Variants in METTL6 observed in about 807,000 individuals in gnomAD.
METTL6 encodes methyltransferase 6, tRNA N3-cytidine.
In METTL6, 22 loss-of-function variants were observed where a neutral mutation model predicts 26.4. The ratio of observed to expected loss-of-function variants is 0.83; its 90% CI spans 0.59 to 1.19. METTL6 has a LOEUF of 1.19. Among genes scored for constraint, METTL6 ranks in the 50% most tolerant of loss-of-function variants. The probability of loss-of-function intolerance (pLI) is 0.00; values close to 1 mark genes in which losing one functional copy is unlikely to be tolerated. For synonymous variants in METTL6, 109 were observed against 116.2 expected (o/e 0.94, Z 0.40); for missense variants, 304 against 324.8 (o/e 0.94, Z 0.49).
chr3:15,388,541 G>A (rs1256480642), intron 6 of METTL6, among the ~76,000 whole-genome samples: 3 of 152,128 alleles, frequency 2.0e-5, no homozygotes, highest in Non-Finnish European at 4.4e-5. Context: ...TCAGTTCCTG[G>A]GTGGGAGCCA....
intron 3 of METTL6, among the ~76,000 whole-genome samples, chr3:15,421,515 T>A (rs2061610761): frequency 6.6e-6 from 1 of 152,060 alleles, no homozygotes; most frequent in African/African-American, 2.4e-5. Context: ...CAGGCTGGAG[T>A]ACAATGGCAT....
chr3:15,401,874 A>G (rs978605378), intron 6 of METTL6, among the ~76,000 whole-genome samples: 1 of 152,184 alleles, frequency 6.6e-6, no homozygotes, highest in Non-Finnish European at 1.5e-5. Context: ...TGATCAAGAA[A>G]TAACTATAAG....
At chr3:15,397,093 A>G (rs1699508883) in intron 6 of METTL6, among the ~76,000 whole-genome samples, 1 of 152,216 alleles carries the variant, frequency 6.6e-6, no homozygotes, top group South Asian at 2.1e-4. Flanking sequence ...TGGAGTCTAC[A>G]GAGGCAGGCA....
chr3:15,415,350 T>G, intron 4 of METTL6: 1 of 698,672 alleles, frequency 1.4e-6, no homozygotes, highest in Non-Finnish European at 2.4e-6. Context: ...TTAGACAAGG[T>G]CTTGCTATGT....
At chr3:15,396,852 G>A (rs1699502857) in intron 6 of METTL6, among the ~76,000 whole-genome samples, 1 of 152,152 alleles carries the variant, frequency 6.6e-6, no homozygotes, top group Admixed American at 6.5e-5. Context: ...TGGGAGTTTT[G>A]TCTCAGAGAA....
chr3:15,391,523 CTTTAAG>C (rs1699345692), intron 6 of METTL6, among the ~76,000 whole-genome samples: 1 of 151,942 alleles, frequency 6.6e-6, no homozygotes, highest in Admixed American at 6.6e-5. Flanking sequence ...TTTTATTATA[CTTTAAG>C]TTTTAGGGAA....
chr3:15,426,192 G>T (rs2061717936), intron 2 of METTL6, 95 bp downstream of exon 2: 2 of 1,211,886 alleles, frequency 1.7e-6, no homozygotes, highest in Non-Finnish European at 2.4e-6. Context: ...GCCTGCCTTG[G>T]CCTCCCCAAG....
In METTL6 at chr3:15,410,512, T is replaced by C. The variant is rs1699924722; in HGVS notation, c.*744A>G. Among the ~76,000 whole-genome samples the C allele has an allele frequency of 6.6e-6, 1 of 152,150 alleles. No individual in the cohort carries two copies. Among genetic ancestry groups the C allele is most frequent in the South Asian group, 2.1e-4 (1 of 4,828 alleles). The stretch of plus-strand genomic sequence containing the variant: ...TTTCTGTAGAGACAGAGTTTCACCA[T>C]GTTGCCCACACTGGTCTTGAACTCC... On this transcript the variant is annotated 3_prime_UTR_variant, in exon 6 of 6. Coordinates refer to ENST00000383790, the MANE Select transcript of METTL6 (RefSeq NM_152396.4).
At chr3:15,398,446 A>G (rs1251789836) in intron 6 of METTL6, among the ~76,000 whole-genome samples, 2 of 152,192 alleles carry the variant, frequency 1.3e-5, no homozygotes, top group East Asian at 3.9e-4. Flanking sequence ...TGCCTGTCTC[A>G]GCCTCCCAAA....
chr3:15,414,852 G>T, intron 4 of METTL6: 1 of 584,694 alleles, frequency 1.7e-6, no homozygotes, highest in Non-Finnish European at 2.9e-6. Flanking sequence ...AGCCCAGGAA[G>T]TTGAGGCTGC....
At chr3:15,426,945 C>T (rs1355528615) in intron 1 of METTL6, among the ~76,000 whole-genome samples, 1 of 152,236 alleles carries the variant, frequency 6.6e-6, no homozygotes, top group Non-Finnish European at 1.5e-5. Flanking sequence ...AAATATTCCT[C>T]AATTTTCGGT....
At chr3:15,393,054 A>G (rs895650457) in intron 6 of METTL6, among the ~76,000 whole-genome samples, 4 of 152,138 alleles carry the variant, frequency 2.6e-5, no homozygotes, top group Non-Finnish European at 5.9e-5. Flanking sequence ...GTAGCTTGAG[A>G]GGGATGGCAT....
chr3:15,416,758 T>C (rs535089945), intron 3 of METTL6, among the ~76,000 whole-genome samples: 11 of 152,326 alleles, frequency 7.2e-5, no homozygotes, highest in African/African-American at 2.4e-4. Context: ...CTTCAACACA[T>C]GTATAGGAGT....
At chr3:15,397,732 A>G (rs1038544175) in intron 6 of METTL6, among the ~76,000 whole-genome samples, 2 of 152,052 alleles carry the variant, frequency 1.3e-5, no homozygotes, top group African/African-American at 4.8e-5. Flanking sequence ...CTAATTAGAG[A>G]CCACTGGGCT....
chr3:15,403,186 T>C (rs916558144), intron 6 of METTL6, among the ~76,000 whole-genome samples: 1 of 152,158 alleles, frequency 6.6e-6, no homozygotes, highest in Non-Finnish European at 1.5e-5. Flanking sequence ...GTATCCCAGA[T>C]TGGTCTCCCA....
chr3:15,392,050 T>C (rs1168840317), intron 6 of METTL6, among the ~76,000 whole-genome samples: 4 of 152,174 alleles, frequency 2.6e-5, no homozygotes, highest in African/African-American at 9.7e-5. Context: ...TATTTCTAGT[T>C]CTAGATCTCT....
In METTL6 at chr3:15,411,292, T is replaced by C; in HGVS notation, c.819A>G (p.Pro273=). The C allele has an allele frequency of 6.2e-7, 1 of 1,614,190 alleles. No homozygotes were observed. The change falls in exon 6 of 6, where the codon CCA becomes CCG. Residue 273 remains proline, a synonymous_variant. Coordinates refer to ENST00000383790, the MANE Select transcript of METTL6 (RefSeq NM_152396.4). ...QSKFLKPPKN[P]SPVVLGLDPK... ...GATCCAGGCCCAGGACCACAGGAGATGGGTTCTTAGGAGGCTTTAGAAATT... is the reference window on the plus strand; with the variant it reads ...GATCCAGGCCCAGGACCACAGGAGACGGGTTCTTAGGAGGCTTTAGAAATT...
chr3:15,422,749 C>G (rs1392390890), intron 3 of METTL6, among the ~76,000 whole-genome samples: 2 of 152,118 alleles, frequency 1.3e-5, no homozygotes, highest in Non-Finnish European at 2.9e-5. Flanking sequence ...AAGTGTTCCC[C>G]ACATATTGGT....
chr3:15,416,006 TACA>T (rs1318381351), intron 3 of METTL6, 64 bp from the exon 4 acceptor site: 16 of 1,451,740 alleles, frequency 1.1e-5, no homozygotes, highest in African/African-American at 2.8e-5. Context: ...TATAGAAAAA[TACA>T]ACATCAAAAG....
Sources: gnomAD v4.1 joint callset for allele counts (sites outside exome capture counted in the v4.1 genomes callset) on GRCh38, gnomAD v4.1.1 for gene constraint, MANE v1.5 for transcripts, NCBI Gene and HGNC (gene_info 2026-07-23, HGNC 2026-07-21) for gene names.